The following ABCA13 variants were observed in gnomAD, a reference collection of about 807,000 sequenced individuals.
ABCA13 encodes ATP-binding cassette sub-family A member 13.
A neutral mutation model predicts 478.7 loss-of-function variants in ABCA13; 476 were observed. The observed-to-expected ratio is 0.99, with a 90% CI of 0.92 to 1.07. ABCA13 has a LOEUF of 1.07. Among genes scored for constraint, ABCA13 ranks in the 50% least tolerant of loss-of-function variants. The pLI, the probability that ABCA13 is intolerant of heterozygous loss-of-function variation, is 0.00. For missense variants in ABCA13, 6,060 were observed against 5,910.6 expected, an observed-to-expected ratio of 1.03 and a Z score of -0.83; for synonymous variants, 2,252 against 2,158.9, an observed-to-expected ratio of 1.04 and a Z score of -1.20.
At chr7:48,387,411 T>TA (rs1243921881) in intron 35 of ABCA13, among the ~76,000 whole-genome samples, 1 of 152,168 alleles carries the variant, frequency 6.6e-6, no homozygotes, top group East Asian at 1.9e-4. Flanking sequence ...CTCCTACACT[T>TA]ACCTCATGCT....
intron 55 of ABCA13, among the ~76,000 whole-genome samples, chr7:48,529,499 C>A (rs998205386): frequency 3.9e-5 from 6 of 152,162 alleles, no homozygotes; most frequent in African/African-American, 1.4e-4. Context: ...AAACCCAGCA[C>A]CCACCAGCCA....
rs187441707 is a variant in ABCA13 at position 48,212,012 on chromosome 7, G to A, written c.288-7342G>A. ...CCTTCAAAACCAGCAGAACACCAGG[G>A]CTTATCTAAGGACTGCAGTTCTTGT... On this transcript the variant is annotated intron_variant, in intron 3 of 61. Coordinates refer to ENST00000435803, the MANE Select transcript of ABCA13 (RefSeq NM_152701.5). Among the ~76,000 whole-genome samples, 404 of 152,176 alleles carry A rather than the reference G, an allele frequency of 2.7e-3. 1 individual carries two copies. The highest frequency in any genetic ancestry group is 3.8e-3 in the Non-Finnish European group (260 of 68,012).
chr7:48,346,787 A>G (rs1584948947), intron 29 of ABCA13, among the ~76,000 whole-genome samples: 1 of 152,344 alleles, frequency 6.6e-6, no homozygotes, highest in East Asian at 1.9e-4. Context: ...AGATTAAATA[A>G]CTATCTAATG....
At chr7:48,569,985 T>C (rs1787451961) in intron 55 of ABCA13, among the ~76,000 whole-genome samples, 1 of 152,198 alleles carries the variant, frequency 6.6e-6, no homozygotes, top group African/African-American at 2.4e-5. Context: ...TATCTTGTTG[T>C]ATTGTTCCAA....
In ABCA13 at chr7:48,314,257, G is replaced by T. The variant is rs779001360; in HGVS notation, c.9707G>T (p.Ser3236Ile). Reference sequence around the variant, plus strand: ...GTTTCACAAAATGTCCAGGCCAGAAGTTCAGCTTTTGGTTCTTTCCAGTTT... The same window carrying T: ...GTTTCACAAAATGTCCAGGCCAGAATTTCAGCTTTTGGTTCTTTCCAGTTT... ...QQVSQNVQAR[S>I]SAFGSFQFVM... The change falls in exon 26 of 62, where the codon AGT becomes ATT. Residue 3236 changes from serine to isoleucine, a missense_variant. This residue lies in a region of ABCA13 where 4,423 missense variants were observed against 4,309.1 expected (regional missense o/e 1.03). Transcript: ENST00000435803. 6 of 1,613,208 alleles carry T rather than the reference G, an allele frequency of 3.7e-6. No individual in the cohort carries two copies. Among genetic ancestry groups the T allele is most frequent in the Non-Finnish European group, 8.5e-7 (1 of 1,179,772 alleles).
Position 48,410,468 on chromosome 7 carries a change from C to T in ABCA13, c.12071-52C>T, listed in dbSNP as rs1818858537. 5.6e-6 allele frequency: 9 copies of T among 1,608,986 alleles called. No individual in the cohort carries two copies. The South Asian group carries it at 7.7e-5, about 14-fold the overall frequency. On this transcript the variant is annotated intron_variant, in intron 39 of 61. Transcript: ENST00000435803. ...CATCCTGAGGAAAGGAGGGAAGGTC[C>T]TCCTGGGGCCTTTGTCCTCCTGGTG...
At chr7:48,302,879 A>G (rs1800346323) in intron 23 of ABCA13, among the ~76,000 whole-genome samples, 1 of 152,150 alleles carries the variant, frequency 6.6e-6, no homozygotes, top group Non-Finnish European at 1.5e-5. Context: ...GTCAAATGGT[A>G]GTTCTCTTTC....
At chr7:48,316,230 A>T (rs980745721) in intron 26 of ABCA13, among the ~76,000 whole-genome samples, 1 of 152,172 alleles carries the variant, frequency 6.6e-6, no homozygotes, top group Non-Finnish European at 1.5e-5. Context: ...AGGCAATTTA[A>T]TATGTCAAAA....
At chr7:48,431,029 A>ATGTT in intron 42 of ABCA13, among the ~76,000 whole-genome samples, 1 of 152,226 alleles carries the variant, frequency 6.6e-6, no homozygotes. Flanking sequence ...AAATTTTGAT[A>ATGTT]TGTTGTATCT....
At chr7:48,610,619 C>T (rs999111337) in intron 58 of ABCA13, among the ~76,000 whole-genome samples, 2 of 152,202 alleles carry the variant, frequency 1.3e-5, no homozygotes, top group African/African-American at 4.8e-5. Flanking sequence ...ACGAGAGCCA[C>T]GTCCATGCAG....
intron 55 of ABCA13, among the ~76,000 whole-genome samples, chr7:48,567,225 G>A (rs1298818523): frequency 6.6e-6 from 1 of 152,118 alleles, no homozygotes; most frequent in Non-Finnish European, 1.5e-5. Context: ...AAGGCAGAAA[G>A]ACCTTTTCCA....
intron 23 of ABCA13, among the ~76,000 whole-genome samples, chr7:48,306,126 C>T (rs984389490): frequency 1.2e-4 from 18 of 152,146 alleles, no homozygotes; most frequent in Admixed American, 1.1e-3. Context: ...ATTTGGAAAA[C>T]CACAGGAAAG....
At chr7:48,448,486 T>G (rs34891690) in intron 42 of ABCA13, among the ~76,000 whole-genome samples, 45,258 of 152,086 alleles carry the variant, frequency 0.3, 6,814 homozygotes, top group East Asian at 0.37. Flanking sequence ...GGGTTTAAGG[T>G]ATGACCTTAT....
intron 43 of ABCA13, among the ~76,000 whole-genome samples, chr7:48,465,655 G>C (rs373485443): frequency 6.6e-6 from 1 of 151,662 alleles, no homozygotes; most frequent in Admixed American, 6.6e-5. Context: ...GGGTATTTAG[G>C]ATATCTATCA....
chr7:48,516,910 A>C (rs900350156), intron 52 of ABCA13, 29 bp downstream of exon 52: 6 of 1,601,674 alleles, frequency 3.7e-6, no homozygotes, highest in Non-Finnish European at 4.3e-6. Context: ...TCACCTCTAC[A>C]CTTCTGCACC....
At chr7:48,396,597 C>T (rs2129062639) in intron 38 of ABCA13, among the ~76,000 whole-genome samples, 1 of 152,298 alleles carries the variant, frequency 6.6e-6, no homozygotes, top group Middle Eastern at 3.4e-3. Context: ...AAAGACAAAA[C>T]CCACTAGGCG....
At chr7:48,325,869 T>C (rs1477314616) in intron 27 of ABCA13, among the ~76,000 whole-genome samples, 1 of 152,166 alleles carries the variant, frequency 6.6e-6, no homozygotes, top group African/African-American at 2.4e-5. Flanking sequence ...CTACTGAAGT[T>C]AGCACAACCA....
chr7:48,246,154 G>T (rs1791642373), intron 13 of ABCA13, 124 bp downstream of exon 13: 3 of 1,043,104 alleles, frequency 2.9e-6, no homozygotes, highest in Non-Finnish European at 3.9e-6. Context: ...CACACTTAAA[G>T]GAAGCTGGCT....
At chr7:48,588,531 A>G (rs12673070) in intron 57 of ABCA13, among the ~76,000 whole-genome samples, 19,325 of 152,098 alleles carry the variant, frequency 0.13, 1,438 homozygotes, top group African/African-American at 0.18. Context: ...CCTGTGACAG[A>G]GTGGTCAAGG....
Sources: gnomAD v4.1 joint callset for allele counts (sites outside exome capture counted in the v4.1 genomes callset) on GRCh38, gnomAD v4.1.1 for gene constraint, gnomAD v4.1.1 regional missense constraint, MANE v1.5 for transcripts, NCBI Gene and HGNC (gene_info 2026-07-23, HGNC 2026-07-21) for gene names.